The following REV3L variants were observed in gnomAD, a reference collection of about 807,000 sequenced individuals.
The protein encoded by REV3L is REV3 like, DNA directed polymerase zeta catalytic subunit, also known as DNA polymerase zeta catalytic subunit.
A neutral mutation model predicts 299.4 loss-of-function variants in REV3L; 69 were observed. The ratio of observed to expected loss-of-function variants is 0.23; its 90% CI spans 0.19 to 0.28. REV3L has a LOEUF of 0.28. Ranked by LOEUF, REV3L falls within the 10% of genes least tolerant of loss-of-function variation. The pLI, the probability that REV3L is intolerant of heterozygous loss-of-function variation, is 1.00. For synonymous variants in REV3L, 1,238 were observed against 1,271.4 expected, an observed-to-expected ratio of 0.97 and a Z score of 0.56; for missense variants, 3,128 against 3,693.8, an observed-to-expected ratio of 0.85 and a Z score of 3.97.
chr6:111,322,683 T>C lies in REV3L; in HGVS notation c.8242-5A>G. The C allele has an allele frequency of 6.2e-7, 1 of 1,608,764 alleles. No individual in the cohort carries two copies. Among genetic ancestry groups the C allele is most frequent in the Non-Finnish European group, 8.5e-7 (1 of 1,175,136 alleles). The stretch of plus-strand genomic sequence containing the variant: ...GTGAACAATACTATCGCCAACCTGT[T>C]GGTACAAACACATTGGAAATAATTT... On this transcript the variant is annotated splice_polypyrimidine_tract_variant and splice_region_variant and intron_variant, in intron 25 of 31. Coordinates refer to ENST00000368802, the MANE Select transcript of REV3L (RefSeq NM_001372078.1).
At chr6:111,336,447 C>CTAAT (rs570667116) in intron 21 of REV3L, among the ~76,000 whole-genome samples, 2 of 151,950 alleles carry the variant, frequency 1.3e-5, no homozygotes, top group South Asian at 4.1e-4. Context: ...AGACACATGA[C>CTAAT]TAATGCTTAA....
At position 111,416,289 on chromosome 6, in the gene REV3L, G is replaced by C; in HGVS notation, c.323C>G (p.Ser108Ter). ...AQHVFKVSLV[S>*]GMPFYGYHEK... ...TATATTATCATATACTTACATTCCTGATACTAATGACACTTTGAACACATG... is the reference window on the plus strand; with the variant it reads ...TATATTATCATATACTTACATTCCTCATACTAATGACACTTTGAACACATG... Residue 108 changes from serine (S) to a stop codon, truncating the protein, a stop_gained, in exon 2 of 32, where the codon TCA (serine) becomes TGA (stop). Coordinates refer to ENST00000368802, the MANE Select transcript of REV3L (RefSeq NM_001372078.1). LOFTEE classifies it high-confidence loss of function. 1 of 1,605,066 alleles carries C rather than the reference G, an allele frequency of 6.2e-7. No homozygotes were observed. The highest frequency in any genetic ancestry group is 8.5e-7 in the Non-Finnish European group (1 of 1,174,326).
At chr6:111,370,292 C>A (rs1018774821) in intron 13 of REV3L, among the ~76,000 whole-genome samples, 1 of 152,018 alleles carries the variant, frequency 6.6e-6, no homozygotes, top group African/African-American at 2.4e-5. Flanking sequence ...ACTAATAACA[C>A]CAAAGTCCCC....
At chr6:111,436,312 A>T (rs2128303667) in intron 1 of REV3L, among the ~76,000 whole-genome samples, 1 of 152,340 alleles carries the variant, frequency 6.6e-6, no homozygotes, top group South Asian at 2.1e-4. Flanking sequence ...TACTGAAGAT[A>T]TCTCTGTACT....
rs369326094 is a variant in REV3L, at chr6:111,373,808, G to A, written c.4547C>T (p.Thr1516Ile). ...CTGTCCTTCACCAAATGCTGAAGGT[G>A]TTGACACATTTCGATTTTTACACTG... ...LSQCKNRNVSTPSAFGEGQSG... is the reference protein window; with the variant it reads ...LSQCKNRNVSIPSAFGEGQSG... Residue 1516 changes from threonine to isoleucine, a missense_variant, in exon 13 of 32, where the codon ACA becomes ATA. Coordinates refer to ENST00000368802, the MANE Select transcript of REV3L (RefSeq NM_001372078.1). The A allele has an allele frequency of 1.5e-5, 24 of 1,614,024 alleles. No homozygotes were observed. Among genetic ancestry groups the A allele is most frequent in the Non-Finnish European group, 1.9e-5 (23 of 1,179,994 alleles).
At position 111,477,025 on chromosome 6, in the gene REV3L, T is replaced by A. The variant is rs181784081; in HGVS notation, c.139+5725A>T. Among the ~76,000 whole-genome samples, 14 of 152,326 alleles carry A rather than the reference T, an allele frequency of 9.2e-5. No homozygotes were observed. The East Asian group carries it at 2.5e-3, about 27-fold the overall frequency. ...GAGATAACCAACTTTTATACTTCGG[T>A]GTATTTTTTTCCACACTTTTAATAA... On this transcript the variant is annotated intron_variant, in intron 1 of 31. Transcript: ENST00000368802.
chr6:111,359,434 C>T (rs1280565944), intron 16 of REV3L, among the ~76,000 whole-genome samples: 2 of 148,656 alleles, frequency 1.3e-5, no homozygotes, highest in Non-Finnish European at 3.0e-5. Flanking sequence ...TTCAAATTTC[C>T]TACCAATTAA....
chr6:111,353,712 AG>A (rs1260875872), intron 18 of REV3L: 3 of 152,248 alleles, frequency 2.0e-5, no homozygotes, highest in Non-Finnish European at 4.4e-5. Flanking sequence ...ATATCCAGAA[AG>A]GAAGTCCAGA....
At chr6:111,339,041 G>A (rs1776224040) in intron 21 of REV3L, among the ~76,000 whole-genome samples, 1 of 151,924 alleles carries the variant, frequency 6.6e-6, no homozygotes, top group African/African-American at 2.4e-5. Flanking sequence ...ACTGTTGTAA[G>A]GTGAAACTGT....
intron 14 of REV3L, among the ~76,000 whole-genome samples, chr6:111,365,753 A>G (rs1316673417): frequency 6.6e-6 from 1 of 152,222 alleles, no homozygotes; most frequent in East Asian, 1.9e-4. Context: ...AAAGGGGAAT[A>G]TAATTGGGAA....
intron 1 of REV3L, among the ~76,000 whole-genome samples, chr6:111,420,047 G>A (rs977561172): frequency 1.3e-5 from 2 of 152,102 alleles, no homozygotes; most frequent in Admixed American, 6.5e-5. Context: ...GGGTTTCACC[G>A]TGTTAATCAG....
chr6:111,338,312 C>CTTTTTTTTTTTT (rs144497761), intron 21 of REV3L, among the ~76,000 whole-genome samples: 5 of 47,938 alleles, frequency 1.0e-4, no homozygotes, highest in African/African-American at 6.5e-4. Context: ...GTCTAAAGTC[C>CTTTTTTTTTTTT]TTTTTTTTTT....
intron 1 of REV3L, among the ~76,000 whole-genome samples, chr6:111,481,179 G>C (rs564264617): frequency 6.6e-6 from 1 of 152,220 alleles, no homozygotes; most frequent in African/African-American, 2.4e-5. Context: ...TATCCTATTA[G>C]CATGTCACTT....
intron 1 of REV3L, among the ~76,000 whole-genome samples, chr6:111,424,656 T>C (rs1169504047): frequency 3.3e-5 from 5 of 152,208 alleles, no homozygotes; most frequent in Non-Finnish European, 2.9e-5. Flanking sequence ...GGAACCCATT[T>C]GGAGCTCCTC....
rs56108230 is a variant in REV3L at position 111,367,444 on chromosome 6, A to C, written c.6344T>G (p.Ile2115Ser). 408 of 1,610,450 alleles carry C rather than the reference A, an allele frequency of 2.5e-4. No homozygotes were observed. The African/African-American group carries it at 4.8e-3, about 19-fold the overall frequency. ...KDEDDDDNYY[I>S]SYSSPDSPVI... ...TGGAGAATCAGGGGAGCTATAACTA[A>C]TGTAATAGTTATCATCATCATCTTC... The change falls in exon 14 of 32, where the codon ATT (isoleucine) becomes AGT (serine). Residue 2115 changes from isoleucine to serine, a missense_variant. By Grantham distance (142) the Ile-to-Ser change is moderately radical. Coordinates refer to ENST00000368802, the MANE Select transcript of REV3L (RefSeq NM_001372078.1).
intron 31 of REV3L, among the ~76,000 whole-genome samples, chr6:111,304,472 T>C (rs1772038038): frequency 6.6e-6 from 1 of 152,036 alleles, no homozygotes; most frequent in African/African-American, 2.4e-5. Flanking sequence ...ATTACATCTC[T>C]AGTAATTTCT....
intron 1 of REV3L, among the ~76,000 whole-genome samples, chr6:111,432,936 T>C (rs1367072307): frequency 6.6e-6 from 1 of 152,048 alleles, no homozygotes; most frequent in Non-Finnish European, 1.5e-5. Flanking sequence ...AACAACATTC[T>C]CCTGAATGAC....
At chr6:111,470,426 C>T (rs1792055828) in intron 1 of REV3L, among the ~76,000 whole-genome samples, 1 of 152,168 alleles carries the variant, frequency 6.6e-6, no homozygotes, top group Non-Finnish European at 1.5e-5. Context: ...TAATTAACCT[C>T]TCTATGCCTC....
At chr6:111,479,014 CTG>C in intron 1 of REV3L, among the ~76,000 whole-genome samples, 1 of 152,310 alleles carries the variant, frequency 6.6e-6, no homozygotes, top group African/African-American at 2.4e-5. Context: ...GCTGAGGAAA[CTG>C]TGAGAGCTGT....
Sources: gnomAD v4.1 joint callset for allele counts (sites outside exome capture counted in the v4.1 genomes callset) on GRCh38, gnomAD v4.1.1 for gene constraint, MANE v1.5 for transcripts, NCBI Gene and HGNC (gene_info 2026-07-23, HGNC 2026-07-21) for gene names.